Variants in CHID1 observed in about 807,000 individuals in gnomAD.
The protein encoded by CHID1 is chitinase domain containing 1, also known as chitinase domain-containing protein 1.
Under a neutral mutation model 55.4 loss-of-function variants are expected in CHID1, and 44 were observed. That is an observed-to-expected ratio of 0.79 (90% CI 0.62 to 1.02). The LOEUF (loss-of-function observed/expected upper bound fraction) is 1.02, where lower values mean the gene tolerates loss of function less well. CHID1 is among the 50% of genes least tolerant of loss of function. The pLI, the probability that CHID1 is intolerant of heterozygous loss-of-function variation, is 0.00. For synonymous variants in CHID1, 216 were observed against 212.9 expected (o/e 1.01, Z -0.13); for missense variants, 491 against 515.3 (o/e 0.95, Z 0.46).
At chr11:890,515 G>A (rs538012594) in intron 8 of CHID1, among the ~76,000 whole-genome samples, 2 of 152,354 alleles carry the variant, frequency 1.3e-5, no homozygotes, top group Admixed American at 1.3e-4. Flanking sequence ...CGCCAGCAGG[G>A]CCCAGGAAGG....
intron 8 of CHID1, among the ~76,000 whole-genome samples, chr11:892,842 G>A (rs936884936): frequency 6.6e-6 from 1 of 152,250 alleles, no homozygotes; most frequent in African/African-American, 2.4e-5. Flanking sequence ...CTTAGCCAGG[G>A]GTGCTACCCT....
intron 10 of CHID1, among the ~76,000 whole-genome samples, chr11:871,624 C>G (rs982160774): frequency 1.3e-5 from 2 of 152,256 alleles, no homozygotes; most frequent in African/African-American, 4.8e-5. Flanking sequence ...GACAGTGCCC[C>G]CCACGTGCCT....
chr11:892,109 T>C (rs1463572140), intron 8 of CHID1, among the ~76,000 whole-genome samples: 9 of 151,356 alleles, frequency 5.9e-5, no homozygotes, highest in Non-Finnish European at 4.4e-5. Flanking sequence ...AGTGAGACTC[T>C]ATCTCAAAAA....
chr11:912,098 G>T (rs923327519), upstream of CHID1, among the ~76,000 whole-genome samples: 3 of 152,230 alleles, frequency 2.0e-5, no homozygotes, highest in African/African-American at 7.2e-5. Context: ...AAGGCGGGTA[G>T]ATCACTTGAG....
intron 10 of CHID1, among the ~76,000 whole-genome samples, chr11:879,710 C>T (rs1849761873): frequency 6.6e-6 from 1 of 152,244 alleles, no homozygotes; most frequent in Non-Finnish European, 1.5e-5. Flanking sequence ...TCAAGGCCAA[C>T]ACCTGTCTCC....
chr11:914,473 G>A, upstream of CHID1: 1 of 1,228,808 alleles, frequency 8.1e-7, no homozygotes, highest in Non-Finnish European at 1.1e-6. Context: ...GCAGAGATGA[G>A]TGTTTCTGCT....
intron 8 of CHID1, among the ~76,000 whole-genome samples, chr11:890,593 G>A (rs184298454): frequency 3.3e-4 from 50 of 152,352 alleles, no homozygotes; most frequent in African/African-American, 1.0e-3. Context: ...AGCTAACAAT[G>A]CCCAGAAAAC....
intron 8 of CHID1, among the ~76,000 whole-genome samples, chr11:891,938 CAAAA>C (rs57065345): frequency 2.9e-4 from 30 of 102,900 alleles, no homozygotes; most frequent in South Asian, 2.3e-3. Context: ...ACCTCATTTC[CAAAA>C]AAAAAAAAAA....
chr11:879,068 T>G (rs975512203), intron 10 of CHID1, among the ~76,000 whole-genome samples: 3 of 152,108 alleles, frequency 2.0e-5, no homozygotes, highest in African/African-American at 4.8e-5. Flanking sequence ...GGATGGTCTC[T>G]ATCTCCTGAC....
intron 9 of CHID1, 96 bp downstream of exon 9, chr11:883,972 G>A (rs1417832948): frequency 1.2e-5 from 11 of 950,470 alleles, no homozygotes; most frequent in Admixed American, 3.7e-5. Context: ...CCACAGGCAA[G>A]AGGGCATCAG....
intron 8 of CHID1, among the ~76,000 whole-genome samples, chr11:890,025 C>A (rs1399399936): frequency 6.6e-6 from 1 of 152,132 alleles, no homozygotes; most frequent in African/African-American, 2.4e-5. Context: ...GCAGGCCTAG[C>A]CCGCTCCCCA....
At chr11:915,212 T>C (rs1036643818), upstream of CHID1, among the ~76,000 whole-genome samples, 2 of 152,238 alleles carry the variant, frequency 1.3e-5, no homozygotes, top group African/African-American at 4.8e-5. Flanking sequence ...ACAGCAGTTC[T>C]CTGCCTGTGT....
At chr11:909,374 GC>G (rs1171431181) in intron 1 of CHID1, among the ~76,000 whole-genome samples, 1 of 152,246 alleles carries the variant, frequency 6.6e-6, no homozygotes, top group Non-Finnish European at 1.5e-5. Context: ...AGAGGCACAG[GC>G]CCCGACCCTG....
At chr11:870,077 A>G (rs373291423) in intron 12 of CHID1, 44 bp downstream of exon 12, 2 of 1,611,712 alleles carry the variant, frequency 1.2e-6, no homozygotes, top group African/African-American at 2.7e-5. Context: ...GTGCTGTCGC[A>G]TGGCCCACCC....
intron 12 of CHID1, 80 bp from the exon 13 acceptor site, chr11:870,036 G>C: frequency 6.2e-7 from 1 of 1,604,006 alleles, no homozygotes. Context: ...CCGAGGGGCA[G>C]CACCGCCTGG....
In CHID1 at chr11:904,797, A is replaced by ACCT; in HGVS notation, c.19_20insAGG (p.Leu7delinsGlnVal). On this transcript the variant is annotated protein_altering_variant, in exon 2 of 13. Coordinates refer to ENST00000323578, the MANE Select transcript of CHID1 (RefSeq NM_023947.4). ...GCTGCAGGCCAGGGCAAGCCAGAGGAGGTTGAAGAGTGTCCGCATGGTAGG... is the reference window on the plus strand; with the variant it reads ...GCTGCAGGCCAGGGCAAGCCAGAGGACCTGGTTGAAGAGTGTCCGCATGGTAGG... 1 of 1,613,982 alleles carries ACCT rather than the reference A, an allele frequency of 6.2e-7. No homozygotes were observed. Among genetic ancestry groups the ACCT allele is most frequent in the Non-Finnish European group, 8.5e-7 (1 of 1,180,008 alleles).
upstream of CHID1, chr11:910,936 G>A (rs866190500): frequency 9.3e-5 from 62 of 667,540 alleles, no homozygotes; most frequent in Middle Eastern, 1.5e-3. Flanking sequence ...CTGCCCGAAA[G>A]TCGGGGCCGG....
chr11:905,145 G>C (rs538544525), intron 1 of CHID1, among the ~76,000 whole-genome samples: 11 of 152,168 alleles, frequency 7.2e-5, no homozygotes, highest in Non-Finnish European at 1.5e-4. Flanking sequence ...GCCCAAGGCC[G>C]CCCTGACCAC....
At position 869,688 on chromosome 11, in the gene CHID1, G is replaced by A; in HGVS notation, c.*170C>T. The A allele has an allele frequency of 1.6e-6, 1 of 642,262 alleles. No homozygotes were observed. Among genetic ancestry groups the A allele is most frequent in the South Asian group, 1.8e-5 (1 of 54,388 alleles). The allele number at this position is 642,262 out of a possible 1,614,324, so 39.8% of individuals were successfully genotyped here. On this transcript the variant is annotated 3_prime_UTR_variant, in exon 13 of 13. Coordinates refer to ENST00000323578, the MANE Select transcript of CHID1 (RefSeq NM_023947.4). ...GTCCCCCAGCTAGGACTCATCCAGG[G>A]CAGGGACCCCTCATGGGAGGATGGG...
Sources: gnomAD v4.1 joint callset for allele counts (sites outside exome capture counted in the v4.1 genomes callset) on GRCh38, gnomAD v4.1.1 for gene constraint, MANE v1.5 for transcripts, NCBI Gene and HGNC (gene_info 2026-07-23, HGNC 2026-07-21) for gene names.